The following UBAC2 variants were observed in gnomAD, a reference collection of about 807,000 sequenced individuals.
UBAC2 encodes the protein UBA domain containing 2.
A neutral mutation model predicts 44.0 loss-of-function variants in UBAC2; 26 were observed. That is an observed-to-expected ratio of 0.59 (90% CI 0.43 to 0.82). UBAC2 has a LOEUF of 0.82. UBAC2 is among the 40% of genes least tolerant of loss of function. The pLI is 0.00. For synonymous variants in UBAC2, 155 were observed against 154.3 expected (o/e 1.00, Z -0.04); for missense variants, 329 against 419.4 (o/e 0.78, Z 1.88).
intron 4 of UBAC2, among the ~76,000 whole-genome samples, chr13:99,304,287 T>C (rs993292683): frequency 1.3e-5 from 2 of 152,198 alleles, no homozygotes; most frequent in African/African-American, 4.8e-5. Flanking sequence ...CCCTATCCTG[T>C]ATCCTTAGCT....
chr13:99,335,486 A>G (rs1452490629), intron 6 of UBAC2, among the ~76,000 whole-genome samples: 4 of 151,580 alleles, frequency 2.6e-5, no homozygotes, highest in Non-Finnish European at 5.9e-5. Flanking sequence ...TCACCCCTCT[A>G]CAGCAAAGAC....
intron 1 of UBAC2, among the ~76,000 whole-genome samples, chr13:99,205,340 C>G (rs2042857413): frequency 6.6e-6 from 1 of 152,158 alleles, no homozygotes; most frequent in South Asian, 2.1e-4. Flanking sequence ...GATCCGGGGC[C>G]CAGGGCAGGT....
At chr13:99,359,660 T>C (rs1278822114) in intron 7 of UBAC2, among the ~76,000 whole-genome samples, 3 of 152,220 alleles carry the variant, frequency 2.0e-5, no homozygotes, top group African/African-American at 2.4e-5. Context: ...GTAAACAGTT[T>C]TGGCTTTTCC....
intron 7 of UBAC2, among the ~76,000 whole-genome samples, chr13:99,345,659 AC>A (rs2044964670): frequency 6.6e-6 from 1 of 151,610 alleles, no homozygotes; most frequent in African/African-American, 2.4e-5. Context: ...GGGGCTCCAG[AC>A]CGAAATATCC....
chr13:99,240,579 A>G (rs2043287724), intron 2 of UBAC2, among the ~76,000 whole-genome samples: 1 of 152,172 alleles, frequency 6.6e-6, no homozygotes, highest in African/African-American at 2.4e-5. Context: ...TGAGGAGATG[A>G]CAGTCATCAT....
chr13:99,274,699 A>G (rs1248389897), intron 4 of UBAC2, among the ~76,000 whole-genome samples: 1 of 150,374 alleles, frequency 6.7e-6, no homozygotes, highest in Non-Finnish European at 1.5e-5. Context: ...GTTATTATGA[A>G]TATCCTTTTT....
chr13:99,323,079 A>G (rs7338726), intron 6 of UBAC2, among the ~76,000 whole-genome samples: 89,076 of 151,676 alleles, frequency 0.59, 27,946 homozygotes, highest in Non-Finnish European at 0.71. Context: ...GGTAGGTGTG[A>G]GTTCCTCTGC....
chr13:99,240,632 T>TGAG (rs2043288631), intron 2 of UBAC2, among the ~76,000 whole-genome samples: 1 of 152,196 alleles, frequency 6.6e-6, no homozygotes, highest in African/African-American at 2.4e-5. Flanking sequence ...CTATGTGCTC[T>TGAG]CGTGTACTGC....
chr13:99,269,512 T>C (rs902755481), intron 4 of UBAC2, among the ~76,000 whole-genome samples: 2 of 152,176 alleles, frequency 1.3e-5, no homozygotes, highest in Admixed American at 6.5e-5. Context: ...TGCTTTCTTA[T>C]AAGCAAGGGG....
intron 1 of UBAC2, chr13:99,206,083 C>T (rs547485333): frequency 6.5e-6 from 1 of 152,978 alleles, no homozygotes; most frequent in South Asian, 2.1e-4. Flanking sequence ...TTCCCAGTCA[C>T]TAGAGAGGGA....
chr13:99,201,210 G>A, intron 1 of UBAC2: 1 of 1,426,124 alleles, frequency 7.0e-7, no homozygotes, highest in Non-Finnish European at 9.2e-7. Context: ...GTCTCTTGGG[G>A]CCGCTGCAAG....
At chr13:99,290,775 A>G (rs899563116) in intron 4 of UBAC2, among the ~76,000 whole-genome samples, 1 of 151,864 alleles carries the variant, frequency 6.6e-6, no homozygotes, top group Admixed American at 6.6e-5. Flanking sequence ...AAAGATAGGG[A>G]AGAGTGCATT....
At chr13:99,268,990 T>C (rs1013881037) in intron 4 of UBAC2, among the ~76,000 whole-genome samples, 1 of 152,116 alleles carries the variant, frequency 6.6e-6, no homozygotes, top group Admixed American at 6.5e-5. Context: ...AAGGGGGGAA[T>C]GGCCTGTGGT....
chr13:99,258,761 G>A (rs376269818), intron 4 of UBAC2, among the ~76,000 whole-genome samples: 3 of 152,164 alleles, frequency 2.0e-5, no homozygotes, highest in Admixed American at 6.5e-5. Flanking sequence ...GGATTGTAGG[G>A]GCCCTAAACC....
At chr13:99,351,944 C>T (rs940229208) in intron 7 of UBAC2, 9 of 352,124 alleles carry the variant, frequency 2.6e-5, no homozygotes, top group African/African-American at 1.9e-4. Flanking sequence ...CTTTCAGTTA[C>T]TTTCGCAGCA....
chr13:99,301,725 G>C (rs2044260041), intron 4 of UBAC2, among the ~76,000 whole-genome samples: 1 of 152,168 alleles, frequency 6.6e-6, no homozygotes, highest in African/African-American at 2.4e-5. Context: ...AGGGATTTGT[G>C]ATTTTTCACA....
intron 1 of UBAC2, among the ~76,000 whole-genome samples, chr13:99,213,541 G>A (rs2042958082): frequency 6.7e-6 from 1 of 150,052 alleles, no homozygotes; most frequent in Non-Finnish European, 1.5e-5. Flanking sequence ...TTGTATTTTT[G>A]TAGAGACAGG....
At chr13:99,201,097 G>A (rs1382278794) in intron 1 of UBAC2, 158 bp downstream of exon 1, 2 of 1,353,182 alleles carry the variant, frequency 1.5e-6, no homozygotes, top group Non-Finnish European at 1.9e-6. Context: ...GGTCTTGGGG[G>A]TCAGCGGAAA....
intron 1 of UBAC2, among the ~76,000 whole-genome samples, chr13:99,212,559 C>G (rs374870437): frequency 6.6e-6 from 1 of 152,094 alleles, no homozygotes; most frequent in South Asian, 2.1e-4. Flanking sequence ...TTGACATTGA[C>G]GATGCAGATT....
Sources: gnomAD v4.1 joint callset for allele counts (sites outside exome capture counted in the v4.1 genomes callset) on GRCh38, gnomAD v4.1.1 for gene constraint, MANE v1.5 for transcripts, NCBI Gene and HGNC (gene_info 2026-07-23, HGNC 2026-07-21) for gene names.